Variants in PTPRT observed in about 807,000 individuals in gnomAD.
The protein encoded by PTPRT is receptor-type tyrosine-protein phosphatase T.
Under a neutral mutation model 176.8 loss-of-function variants are expected in PTPRT, and 56 were observed. The ratio of observed to expected loss-of-function variants is 0.32; its 90% CI spans 0.26 to 0.40. The LOEUF is 0.40. PTPRT is among the 10% of genes least tolerant of loss of function. PTPRT has a pLI of 1.00. For missense variants in PTPRT, 1,540 were observed against 1,908.2 expected, an observed-to-expected ratio of 0.81 and a Z score of 3.60; for synonymous variants, 783 against 739.0, an observed-to-expected ratio of 1.06 and a Z score of -0.96.
chr20:42,354,349 T>C lies in PTPRT; in HGVS notation c.1561-2064A>G, dbSNP rs114233405. Among the ~76,000 whole-genome samples the C allele has an allele frequency of 5.1e-3, 781 of 152,240 alleles. 8 individuals are homozygous for C. Among genetic ancestry groups the C allele is most frequent in the African/African-American group, 0.018 (747 of 41,568 alleles). On this transcript the variant is annotated intron_variant, in intron 9 of 30. Transcript: ENST00000373187. ...TTTCTTTCTCTCAACATTATCATTA[T>C]GTCCATGGGATTCATCCATGTTGTC...
chr20:42,625,394 T>C (rs1327729893), intron 7 of PTPRT, among the ~76,000 whole-genome samples: 1 of 151,968 alleles, frequency 6.6e-6, no homozygotes, highest in Non-Finnish European at 1.5e-5. Context: ...AATTGAAACA[T>C]ATAGAGCACC....
chr20:42,271,944 A>G (rs1181987373), intron 13 of PTPRT, among the ~76,000 whole-genome samples: 1 of 152,248 alleles, frequency 6.6e-6, no homozygotes, highest in Non-Finnish European at 1.5e-5. Flanking sequence ...GCCATGAAAT[A>G]CTATAAAATT....
At chr20:42,932,396 G>A (rs954922771) in intron 1 of PTPRT, among the ~76,000 whole-genome samples, 2 of 152,216 alleles carry the variant, frequency 1.3e-5, no homozygotes, top group Non-Finnish European at 2.9e-5. Flanking sequence ...AAAGGTGGCC[G>A]GTGCTTATCA....
rs554842056 is a variant in PTPRT, at chr20:42,130,724, C to T, written c.2771-1894G>A. Among the ~76,000 whole-genome samples, 6 of 152,216 alleles carry T rather than the reference C, an allele frequency of 3.9e-5. No individual in the cohort carries two copies. The South Asian group carries it at 6.2e-4, about 16-fold the overall frequency. On this transcript the variant is annotated intron_variant, in intron 18 of 30. Transcript: ENST00000373187. The stretch of plus-strand genomic sequence containing the variant: ...GCTAGACAGCAAGTTATACTAAATG[C>T]GACTTTTCTTACTCATCAGGGGGAA...
chr20:42,098,957 C>G (rs1985584428), intron 26 of PTPRT, among the ~76,000 whole-genome samples: 1 of 152,230 alleles, frequency 6.6e-6, no homozygotes, highest in African/African-American at 2.4e-5. Flanking sequence ...TTGGGTCGGC[C>G]TGAGGCCGAG....
chr20:43,001,462 G>A (rs775311136), intron 1 of PTPRT, among the ~76,000 whole-genome samples: 3 of 147,702 alleles, frequency 2.0e-5, no homozygotes, highest in Middle Eastern at 3.6e-3. Context: ...TATAGCAAAG[G>A]TGGATACTCA....
intron 6 of PTPRT, among the ~76,000 whole-genome samples, chr20:42,706,976 T>C (rs1012395126): frequency 1.3e-5 from 2 of 152,108 alleles, no homozygotes; most frequent in African/African-American, 4.8e-5. Flanking sequence ...GAGAATGCAG[T>C]GTGAAGACAG....
chr20:43,080,403 C>T (rs2011408045), intron 1 of PTPRT, among the ~76,000 whole-genome samples: 1 of 152,232 alleles, frequency 6.6e-6, no homozygotes, highest in East Asian at 1.9e-4. Flanking sequence ...TTTGGAGTTA[C>T]TGCTACAGCA....
At chr20:42,426,423 C>T (rs927477339) in intron 9 of PTPRT, among the ~76,000 whole-genome samples, 1 of 152,120 alleles carries the variant, frequency 6.6e-6, no homozygotes, top group Non-Finnish European at 1.5e-5. Context: ...CACTCCATCC[C>T]CTTTCCACCT....
chr20:42,524,213 C>T (rs2072228820), intron 7 of PTPRT, among the ~76,000 whole-genome samples: 1 of 152,140 alleles, frequency 6.6e-6, no homozygotes. Flanking sequence ...ATTTAGATTT[C>T]CCATTCTGCT....
intron 7 of PTPRT, among the ~76,000 whole-genome samples, chr20:42,546,873 G>T (rs1174432753): frequency 3.9e-5 from 6 of 152,122 alleles, no homozygotes; most frequent in Non-Finnish European, 7.4e-5. Context: ...GGCAACGTTT[G>T]TGCATCCCCA....
At chr20:42,918,815 G>C (rs566142962) in intron 1 of PTPRT, among the ~76,000 whole-genome samples, 2 of 151,902 alleles carry the variant, frequency 1.3e-5, no homozygotes, top group Admixed American at 1.3e-4. Flanking sequence ...TTCGAGTTTT[G>C]TGTGTGTGTG....
chr20:42,085,394 A>G (rs1316170078), intron 28 of PTPRT, among the ~76,000 whole-genome samples: 2 of 152,206 alleles, frequency 1.3e-5, no homozygotes, highest in South Asian at 2.1e-4. Flanking sequence ...GCCTGGCCCA[A>G]AGCTTATGGG....
intron 1 of PTPRT, among the ~76,000 whole-genome samples, chr20:43,174,391 C>A (rs2146466989): frequency 6.6e-6 from 1 of 152,322 alleles, no homozygotes. Context: ...TGGCCCATTA[C>A]AAGTATTTAA....
the PTPRT span, among the ~76,000 whole-genome samples, chr20:42,040,087 A>G: frequency 6.6e-6 from 1 of 151,768 alleles, no homozygotes; most frequent in Non-Finnish European, 1.5e-5. Flanking sequence ...TTTTCCCCAC[A>G]GTCTCACCAA....
intron 12 of PTPRT, among the ~76,000 whole-genome samples, chr20:42,284,434 C>T (rs2057194129): frequency 6.6e-6 from 1 of 152,040 alleles, no homozygotes. Context: ...AGGCCATCAT[C>T]ACAGTCTCCA....
rs528096156 is a variant in PTPRT at position 42,734,270 on chromosome 20, C to A, written c.859+22192G>T. On this transcript the variant is annotated intron_variant, in intron 6 of 30. Transcript: ENST00000373187. ...TCTGGGGAGTGACATTGACTCCAAC[C>A]CTGCAGGTGTAGCCTTCCAGAAGCC... Among the ~76,000 whole-genome samples the A allele has an allele frequency of 2.0e-5, 3 of 152,258 alleles. No individual in the cohort carries two copies. In the South Asian group the frequency reaches 6.2e-4, roughly 32 times the overall value.
chr20:42,636,401 CT>C (rs1013639858), intron 7 of PTPRT, among the ~76,000 whole-genome samples: 2 of 152,040 alleles, frequency 1.3e-5, no homozygotes, highest in Non-Finnish European at 1.5e-5. Flanking sequence ...TGAGGATATA[CT>C]TCATAAAACT....
At chr20:42,109,259 A>ATAAC (rs1273853653) in intron 23 of PTPRT, among the ~76,000 whole-genome samples, 6 of 151,732 alleles carry the variant, frequency 4.0e-5, no homozygotes, top group Non-Finnish European at 7.4e-5. Context: ...CAGGGATGTG[A>ATAAC]TAACTCAAGC....
Sources: allele counts gnomAD v4.1 joint callset (sites outside exome capture counted in the v4.1 genomes callset), GRCh38; gene constraint gnomAD v4.1.1; transcripts MANE v1.5; gene names NCBI Gene and HGNC (gene_info 2026-07-23, HGNC 2026-07-21).